Variants in GRM1 observed in about 807,000 individuals in gnomAD.
GRM1 encodes the protein glutamate metabotropic receptor 1, also known as metabotropic glutamate receptor 1.
Under a neutral mutation model 90.9 loss-of-function variants are expected in GRM1, and 33 were observed. That is an observed-to-expected ratio of 0.36 (90% CI 0.28 to 0.49). The LOEUF is 0.49. GRM1 is among the 20% of genes least tolerant of loss of function. The pLI, the probability that GRM1 is intolerant of heterozygous loss-of-function variation, is 0.99. For synonymous variants in GRM1, 700 were observed against 613.2 expected (o/e 1.14, Z -2.09); for missense variants, 1,190 against 1,534.3 (o/e 0.78, Z 3.75).
intron 2 of GRM1, among the ~76,000 whole-genome samples, chr6:146,289,285 T>C (rs1172237844): frequency 6.6e-6 from 1 of 152,168 alleles, no homozygotes; most frequent in Non-Finnish European, 1.5e-5. Context: ...ATCTTGGTGC[T>C]GTGTAAACCT....
At chr6:146,205,407 T>G (rs1779461806) in intron 2 of GRM1, among the ~76,000 whole-genome samples, 1 of 152,250 alleles carries the variant, frequency 6.6e-6, no homozygotes, top group Non-Finnish European at 1.5e-5. Flanking sequence ...TCAGCATGTA[T>G]GTTTCAGATG....
chr6:146,374,196 C>CAT (rs1776008662), intron 5 of GRM1, among the ~76,000 whole-genome samples: 1 of 151,914 alleles, frequency 6.6e-6, no homozygotes, highest in Non-Finnish European at 1.5e-5. Flanking sequence ...TTGAACCATC[C>CAT]CTGCATCCCA....
chr6:146,400,346 A>G (rs1185608020), intron 7 of GRM1, among the ~76,000 whole-genome samples: 1 of 152,200 alleles, frequency 6.6e-6, no homozygotes, highest in African/African-American at 2.4e-5. Flanking sequence ...GAATTGGGTC[A>G]TCTCTGCTAC....
At chr6:146,218,933 T>G (rs1015826652) in intron 2 of GRM1, among the ~76,000 whole-genome samples, 6 of 152,184 alleles carry the variant, frequency 3.9e-5, no homozygotes, top group African/African-American at 1.2e-4. Flanking sequence ...TCTTAGTTCT[T>G]TAGTGGAAAG....
chr6:146,125,139 T>C (rs1030625959), intron 1 of GRM1, among the ~76,000 whole-genome samples: 1 of 152,088 alleles, frequency 6.6e-6, no homozygotes, highest in Non-Finnish European at 1.5e-5. Context: ...AATCATGGAA[T>C]CTGGAATTAA....
intron 2 of GRM1, among the ~76,000 whole-genome samples, chr6:146,261,643 C>A (rs1344504773): frequency 6.6e-6 from 1 of 152,060 alleles, no homozygotes; most frequent in African/African-American, 2.4e-5. Context: ...ACCTAGAGAT[C>A]TGTAGGAAAG....
intron 2 of GRM1, among the ~76,000 whole-genome samples, chr6:146,193,395 C>T (rs1778997678): frequency 6.6e-6 from 1 of 152,076 alleles, no homozygotes; most frequent in Non-Finnish European, 1.5e-5. Context: ...AAAATAACTA[C>T]AAGCAAGTAA....
chr6:146,220,144 A>G (rs973155693), intron 2 of GRM1, among the ~76,000 whole-genome samples: 2 of 152,290 alleles, frequency 1.3e-5, no homozygotes, highest in Admixed American at 1.3e-4. Context: ...TTTTGGATAC[A>G]TTTAAATAAT....
Position 146,362,375 on chromosome 6 carries a change from T to G in GRM1, c.1602+4681T>G, listed in dbSNP as rs558736770. Among the ~76,000 whole-genome samples the G allele has an allele frequency of 3.3e-5, 5 of 152,296 alleles. No homozygotes were observed. The South Asian group carries it at 1.0e-3, about 32-fold the overall frequency. ...CTGTAGACTTTAGAATTAACTGTTT[T>G]CATTTATGAAATAAGACATTCCGGC... On this transcript the variant is annotated intron_variant, in intron 5 of 7. Coordinates refer to ENST00000282753, the MANE Select transcript of GRM1 (RefSeq NM_001278064.2).
At chr6:146,406,020 A>G (rs1358754159) in intron 7 of GRM1, among the ~76,000 whole-genome samples, 2 of 152,212 alleles carry the variant, frequency 1.3e-5, no homozygotes, top group Non-Finnish European at 2.9e-5. Context: ...TAAAAGAAGT[A>G]GGAAATTCCG....
At chr6:146,391,065 A>T (rs545662283) in intron 6 of GRM1, among the ~76,000 whole-genome samples, 15 of 152,228 alleles carry the variant, frequency 9.9e-5, no homozygotes, top group South Asian at 2.1e-4. Flanking sequence ...GTAGTATTGC[A>T]AATGTTATGA....
intron 3 of GRM1, among the ~76,000 whole-genome samples, chr6:146,343,620 C>A (rs1785059876): frequency 6.6e-6 from 1 of 151,226 alleles, no homozygotes; most frequent in Non-Finnish European, 1.5e-5. Context: ...GTCCCTTTGA[C>A]ATATCTCCAT....
At chr6:146,090,075 GT>G (rs1776667752) in intron 1 of GRM1, among the ~76,000 whole-genome samples, 1 of 152,118 alleles carries the variant, frequency 6.6e-6, no homozygotes, top group South Asian at 2.1e-4. Context: ...TTTATGAAAA[GT>G]TTTTTATTGT....
chr6:146,089,960 AT>A (rs1194267287), intron 1 of GRM1, among the ~76,000 whole-genome samples: 1 of 151,794 alleles, frequency 6.6e-6, no homozygotes, highest in Non-Finnish European at 1.5e-5. Flanking sequence ...TTTCTCCTCT[AT>A]TTTTTATGTC....
chr6:146,243,139 T>C (rs912605376), intron 2 of GRM1, among the ~76,000 whole-genome samples: 4 of 152,182 alleles, frequency 2.6e-5, no homozygotes, highest in African/African-American at 7.2e-5. Flanking sequence ...CATGAATTTA[T>C]ATTAGTGAAA....
At chr6:146,242,677 G>C (rs1163218558) in intron 2 of GRM1, among the ~76,000 whole-genome samples, 1 of 152,048 alleles carries the variant, frequency 6.6e-6, no homozygotes, top group Admixed American at 6.6e-5. Context: ...AGAGGTAGTA[G>C]GGAAAATACA....
intron 2 of GRM1, among the ~76,000 whole-genome samples, chr6:146,229,711 G>A (rs1370523434): frequency 1.3e-5 from 2 of 151,986 alleles, no homozygotes; most frequent in Admixed American, 6.6e-5. Flanking sequence ...AAAAATTATG[G>A]GAGTAAGCAA....
At position 146,403,519 on chromosome 6, in the gene GRM1, A is replaced by G. The variant is rs1777228330; in HGVS notation, c.2660+3820A>G. ...ATGCTACCTTGATTATTTCTTGAGT[A>G]TTTGAGTTTTTTTTTAACTGAGTCA... is the stretch of plus-strand genomic sequence containing the variant. On this transcript the variant is annotated intron_variant, in intron 7 of 7. Transcript: ENST00000282753. Among the ~76,000 whole-genome samples, 5 of 152,204 alleles carry G rather than the reference A, an allele frequency of 3.3e-5. No homozygotes were observed. The South Asian group carries it at 1.0e-3, about 32-fold the overall frequency.
Position 146,434,318 on chromosome 6 carries a change from G to T in GRM1, c.3107G>T (p.Gly1036Val), listed in dbSNP as rs144944927. Reference sequence around the variant, plus strand: ...AAATCGCTGATGGACCAGCTCCAGGGAGTGGTCAGCAACTTCAGTACCGCG... The same window carrying T: ...AAATCGCTGATGGACCAGCTCCAGGTAGTGGTCAGCAACTTCAGTACCGCG... Reference protein sequence around the residue: ...QQKSLMDQLQGVVSNFSTAIP... With the variant: ...QQKSLMDQLQVVVSNFSTAIP... Residue 1036 changes from glycine (G) to valine (V), a missense_variant, in exon 8 of 8, where the codon GGA becomes GTA. By Grantham distance (109) the Gly-to-Val change is moderately radical. Coordinates refer to ENST00000282753, the MANE Select transcript of GRM1 (RefSeq NM_001278064.2). 2,070 of 1,610,476 alleles carry T rather than the reference G, an allele frequency of 1.3e-3. 19 individuals are homozygous for T. The African/African-American group carries it at 0.024, about 19-fold the overall frequency.
Sources: gnomAD v4.1 joint callset for allele counts (sites outside exome capture counted in the v4.1 genomes callset) on GRCh38, gnomAD v4.1.1 for gene constraint, MANE v1.5 for transcripts, NCBI Gene and HGNC (gene_info 2026-07-23, HGNC 2026-07-21) for gene names.